The following EXOC6 variants were observed in gnomAD, a reference collection of about 807,000 sequenced individuals.
EXOC6 encodes SEC15-like 1.
EXOC6 carries 60 observed loss-of-function variants against 112.5 expected under a neutral mutation model. The ratio of observed to expected loss-of-function variants is 0.53; its 90% CI spans 0.43 to 0.66. The LOEUF is 0.66. Among genes scored for constraint, EXOC6 ranks in the 30% least tolerant of loss-of-function variants. The pLI is 0.00. For synonymous variants in EXOC6, 295 were observed against 308.0 expected (o/e 0.96, Z 0.44); for missense variants, 855 against 957.1 (o/e 0.89, Z 1.41).
At chr10:92,946,727 C>G (rs1292393014) in intron 13 of EXOC6, among the ~76,000 whole-genome samples, 1 of 152,212 alleles carries the variant, frequency 6.6e-6, no homozygotes, top group African/African-American at 2.4e-5. Context: ...CACCCCCCCA[C>G]ACACTAACGC....
intron 12 of EXOC6, among the ~76,000 whole-genome samples, chr10:92,936,610 C>T (rs973283473): frequency 1.3e-5 from 2 of 152,138 alleles, no homozygotes. Context: ...ACAAAAAACA[C>T]GAAACAAACA....
At chr10:93,037,593 C>T (rs976479517) in intron 20 of EXOC6, among the ~76,000 whole-genome samples, 1 of 151,966 alleles carries the variant, frequency 6.6e-6, no homozygotes, top group Admixed American at 6.5e-5. Context: ...GCACGTGCCA[C>T]CACACCCAGC....
intron 16 of EXOC6, 93 bp downstream of exon 16, chr10:92,954,834 C>CTA: frequency 1.6e-6 from 1 of 614,434 alleles, no homozygotes; most frequent in South Asian, 2.2e-5. Flanking sequence ...AACTAGCTTC[C>CTA]TGTTTTAAAT....
At chr10:93,022,862 C>T (rs1425360871) in intron 20 of EXOC6, among the ~76,000 whole-genome samples, 1 of 151,572 alleles carries the variant, frequency 6.6e-6, no homozygotes, top group Admixed American at 6.6e-5. Context: ...CTTTTATGTT[C>T]CTTACTTCAT....
intron 1 of EXOC6, among the ~76,000 whole-genome samples, chr10:92,885,869 T>C (rs973808020): frequency 1.3e-5 from 2 of 152,122 alleles, no homozygotes; most frequent in African/African-American, 4.8e-5. Context: ...CTCTCTTACA[T>C]TGATGTGTCA....
intron 12 of EXOC6, 51 bp downstream of exon 12, chr10:92,935,936 C>T (rs748279169): frequency 1.7e-6 from 2 of 1,164,808 alleles, no homozygotes; most frequent in South Asian, 1.3e-5. Flanking sequence ...TAAAAACATA[C>T]AAAATATAGG....
intron 8 of EXOC6, among the ~76,000 whole-genome samples, chr10:92,923,350 C>A (rs1226581291): frequency 6.6e-6 from 1 of 152,154 alleles, no homozygotes; most frequent in Non-Finnish European, 1.5e-5. Flanking sequence ...AGATAGTGAC[C>A]ATATTAGTTA....
chr10:92,864,073 A>G (rs1848049279), intron 1 of EXOC6, among the ~76,000 whole-genome samples: 1 of 152,210 alleles, frequency 6.6e-6, no homozygotes, highest in South Asian at 2.1e-4. Context: ...CAGCTCTTTC[A>G]TAAGTGAGAA....
intron 13 of EXOC6, among the ~76,000 whole-genome samples, chr10:92,944,812 G>A (rs563815602): frequency 1.4e-4 from 21 of 146,396 alleles, no homozygotes; most frequent in Non-Finnish European, 4.5e-5. Flanking sequence ...CGCTCTTGTC[G>A]CTCAGGCTGG....
intron 17 of EXOC6, among the ~76,000 whole-genome samples, chr10:92,970,922 A>G (rs552384252): frequency 1.3e-5 from 2 of 152,350 alleles, no homozygotes; most frequent in African/African-American, 4.8e-5. Flanking sequence ...TCATCTGAGA[A>G]TAATGTGTGG....
intron 20 of EXOC6, among the ~76,000 whole-genome samples, chr10:93,020,665 G>A (rs993972679): frequency 6.6e-6 from 1 of 152,184 alleles, no homozygotes; most frequent in Middle Eastern, 3.4e-3. Context: ...CTGATTTGAT[G>A]AGATCTTTTG....
upstream of EXOC6, among the ~76,000 whole-genome samples, chr10:92,847,763 TC>T (rs1301550840): frequency 6.7e-6 from 1 of 148,628 alleles, no homozygotes; most frequent in Non-Finnish European, 1.5e-5. Flanking sequence ...TCACCCCTTC[TC>T]AACCCAGCTA....
In EXOC6 at chr10:92,993,362, C is replaced by T. The variant is rs1000065549; in HGVS notation, c.1954-4112C>T. On this transcript the variant is annotated intron_variant, in intron 18 of 21. Transcript: ENST00000260762. ...ATCATTAAGGATGAGTAGACCAATA[C>T]GGAAAGAATGTGATTTCAAGAGCAC... 7.8e-4 allele frequency among the ~76,000 whole-genome samples: 118 copies of T among 151,980 alleles called. 4 individuals carry two copies. Among genetic ancestry groups the T allele is most frequent in the Non-Finnish European group, 1.0e-4 (7 of 67,960 alleles).
At chr10:92,942,139 C>T (rs1486674210) in intron 13 of EXOC6, among the ~76,000 whole-genome samples, 2 of 152,094 alleles carry the variant, frequency 1.3e-5, no homozygotes, top group Non-Finnish European at 1.5e-5. Context: ...GCCTGTAATC[C>T]CAGCACTTTG....
intron 13 of EXOC6, among the ~76,000 whole-genome samples, chr10:92,946,459 A>C (rs1317356758): frequency 6.6e-6 from 1 of 152,038 alleles, no homozygotes; most frequent in Non-Finnish European, 1.5e-5. Flanking sequence ...CTACTGTTGC[A>C]GCTTTAATTC....
intron 14 of EXOC6, among the ~76,000 whole-genome samples, 188 bp downstream of exon 14, chr10:92,948,567 TACTACC>T (rs1554900776): frequency 4.4e-5 from 5 of 114,866 alleles, no homozygotes; most frequent in African/African-American, 1.7e-4. Flanking sequence ...CTACTACTAC[TACTACC>T]ACTACTACTA....
At position 92,949,264 on chromosome 10, in the gene EXOC6, T is replaced by TGTTGTACATATAAATTTACATGTA. The variant is rs751913278; in HGVS notation, c.1416+885_1416+886insGTTGTACATATAAATTTACATGTA. ...TCATGACTGTAAATTTTTGTTGTAT[T>TGTTGTACATATAAATTTACATGTA]TTTATACATAAACTAAGCATATTAT... On this transcript the variant is annotated intron_variant, in intron 14 of 21. Transcript: ENST00000260762. Among the ~76,000 whole-genome samples, 183 of 152,300 alleles carry TGTTGTACATATAAATTTACATGTA rather than the reference T, an allele frequency of 1.2e-3. 1 individual carries two copies. Among genetic ancestry groups the TGTTGTACATATAAATTTACATGTA allele is most frequent in the Non-Finnish European group, 2.2e-3 (151 of 68,010 alleles).
At chr10:92,888,161 G>A (rs978868787) in intron 1 of EXOC6, among the ~76,000 whole-genome samples, 1 of 151,970 alleles carries the variant, frequency 6.6e-6, no homozygotes, top group African/African-American at 2.4e-5. Context: ...ATAGCAGAAG[G>A]CATGGAATGT....
chr10:92,958,906 C>T (rs1564863052), intron 17 of EXOC6, among the ~76,000 whole-genome samples: 1 of 151,976 alleles, frequency 6.6e-6, no homozygotes, highest in East Asian at 1.9e-4. Flanking sequence ...CCATCCTGGC[C>T]AACATGGTGA....
Sources: allele counts gnomAD v4.1 joint callset (sites outside exome capture counted in the v4.1 genomes callset), GRCh38; gene constraint gnomAD v4.1.1; transcripts MANE v1.5; gene names NCBI Gene and HGNC (gene_info 2026-07-23, HGNC 2026-07-21).